The following CACHD1 variants were observed in gnomAD, a reference collection of about 807,000 sequenced individuals.
The protein encoded by CACHD1 is cache domain containing 1, also known as VWFA and cache domain-containing protein 1.
In CACHD1, 71 loss-of-function variants were observed where a neutral mutation model predicts 138.7. The observed-to-expected ratio is 0.51, with a 90% CI of 0.42 to 0.62. The LOEUF is 0.62. CACHD1 is among the 20% of genes least tolerant of loss of function. The pLI is 0.00. For synonymous variants in CACHD1, 578 were observed against 591.5 expected, an observed-to-expected ratio of 0.98 and a Z score of 0.33; for missense variants, 1,389 against 1,625.3, an observed-to-expected ratio of 0.85 and a Z score of 2.50.
chr1:64,648,903 A>G (rs1328287762), intron 9 of CACHD1, among the ~76,000 whole-genome samples: 5 of 152,178 alleles, frequency 3.3e-5, no homozygotes, highest in African/African-American at 1.2e-4. Flanking sequence ...ATTTTTAGTA[A>G]AAGCACAATC....
chr1:64,508,731 A>G (rs1464696206), intron 1 of CACHD1, among the ~76,000 whole-genome samples: 1 of 152,196 alleles, frequency 6.6e-6, no homozygotes. Context: ...GACGTAGTGC[A>G]TTTAGAGAAC....
chr1:64,665,417 A>G (rs892837613), intron 15 of CACHD1, among the ~76,000 whole-genome samples: 6 of 152,076 alleles, frequency 3.9e-5, no homozygotes, highest in African/African-American at 1.4e-4. Flanking sequence ...CCAAGATCAC[A>G]CCACTGCACT....
intron 2 of CACHD1, among the ~76,000 whole-genome samples, chr1:64,553,601 A>C (rs183366744): frequency 6.6e-6 from 1 of 152,220 alleles, no homozygotes; most frequent in African/African-American, 2.4e-5. Context: ...CGTGTAAAAC[A>C]TACATATAAA....
chr1:64,553,067 C>T (rs946657206), intron 2 of CACHD1, among the ~76,000 whole-genome samples: 1 of 152,138 alleles, frequency 6.6e-6, no homozygotes, highest in East Asian at 1.9e-4. Flanking sequence ...ACAGTTGTGT[C>T]GTTGTTATTA....
At chr1:64,677,425 C>T (rs1460080028) in intron 22 of CACHD1, among the ~76,000 whole-genome samples, 1 of 152,186 alleles carries the variant, frequency 6.6e-6, no homozygotes, top group Non-Finnish European at 1.5e-5. Flanking sequence ...CCGCTCTCTC[C>T]CCACTCCTCA....
At chr1:64,623,308 G>A (rs567424645) in intron 4 of CACHD1, among the ~76,000 whole-genome samples, 1 of 152,008 alleles carries the variant, frequency 6.6e-6, no homozygotes, top group East Asian at 1.9e-4. Flanking sequence ...AGGCTGAGGT[G>A]GGAGAATCGC....
chr1:64,542,468 C>T (rs1362262489), intron 1 of CACHD1, among the ~76,000 whole-genome samples: 1 of 152,040 alleles, frequency 6.6e-6, no homozygotes, highest in Non-Finnish European at 1.5e-5. Context: ...CAAACATAAG[C>T]CTCTGAATTT....
chr1:64,682,137 C>T, intron 26 of CACHD1, 31 bp downstream of exon 26: 2 of 1,579,670 alleles, frequency 1.3e-6, no homozygotes, highest in East Asian at 4.5e-5. Flanking sequence ...TTTGAAGACC[C>T]AAGGAACCTC....
chr1:64,634,689 G>A (rs1648448022), intron 7 of CACHD1, among the ~76,000 whole-genome samples: 3 of 151,928 alleles, frequency 2.0e-5, no homozygotes, highest in Admixed American at 1.3e-4. Context: ...CCAGCGTAGA[G>A]GGATTAAAAA....
intron 3 of CACHD1, among the ~76,000 whole-genome samples, chr1:64,592,094 T>C (rs945669639): frequency 6.6e-6 from 1 of 152,252 alleles, no homozygotes; most frequent in Non-Finnish European, 1.5e-5. Context: ...AAATACTTTT[T>C]TGCCTATTCA....
chr1:64,481,381 T>C (rs978987736), intron 1 of CACHD1, among the ~76,000 whole-genome samples: 1 of 152,196 alleles, frequency 6.6e-6, no homozygotes, highest in African/African-American at 2.4e-5. Flanking sequence ...ACGGTGAAAA[T>C]TGGCAAACCA....
At chr1:64,511,500 G>A (rs1646420288) in intron 1 of CACHD1, among the ~76,000 whole-genome samples, 1 of 152,166 alleles carries the variant, frequency 6.6e-6, no homozygotes, top group South Asian at 2.1e-4. Context: ...CTAGAGTTCA[G>A]ACAAAGAATC....
At chr1:64,501,259 G>A (rs564776190) in intron 1 of CACHD1, among the ~76,000 whole-genome samples, 8 of 152,260 alleles carry the variant, frequency 5.3e-5, no homozygotes, top group Admixed American at 4.6e-4. Context: ...GGAAATAAGT[G>A]AAAAGAAAAA....
chr1:64,562,514 A>G (rs1646848901), intron 2 of CACHD1, among the ~76,000 whole-genome samples: 1 of 150,160 alleles, frequency 6.7e-6, no homozygotes, highest in African/African-American at 2.5e-5. Context: ...GGTTCAAGCA[A>G]TTTCCCTGCC....
chr1:64,530,309 C>T (rs1429209465), intron 1 of CACHD1, among the ~76,000 whole-genome samples: 1 of 152,076 alleles, frequency 6.6e-6, no homozygotes, highest in African/African-American at 2.4e-5. Flanking sequence ...TCCCTAGAGA[C>T]TTAAGAATAG....
chr1:64,590,920 T>C (rs944462670), intron 3 of CACHD1, among the ~76,000 whole-genome samples: 4 of 152,206 alleles, frequency 2.6e-5, no homozygotes, highest in Non-Finnish European at 5.9e-5. Flanking sequence ...TCTTTGGTCC[T>C]CAGTTTCCTC....
chr1:64,475,127 C>T (rs758849158), intron 1 of CACHD1, among the ~76,000 whole-genome samples: 4 of 150,820 alleles, frequency 2.7e-5, no homozygotes, highest in Non-Finnish European at 4.4e-5. Flanking sequence ...TAAAGAGCAA[C>T]GCTTCTTTGT....
chr1:64,632,807 T>C (rs1430819167), intron 6 of CACHD1, 64 bp downstream of exon 6: 1 of 1,571,228 alleles, frequency 6.4e-7, no homozygotes, highest in Non-Finnish European at 8.7e-7. Context: ...TTTAAAGTAC[T>C]TTATTGTTTT....
At chr1:64,482,980 C>A (rs533416078) in intron 1 of CACHD1, among the ~76,000 whole-genome samples, 1 of 152,292 alleles carries the variant, frequency 6.6e-6, no homozygotes, top group African/African-American at 2.4e-5. Context: ...AGACATTGCC[C>A]AGCAGCCCTT....
Sources: allele counts gnomAD v4.1 joint callset (sites outside exome capture counted in the v4.1 genomes callset), GRCh38; gene constraint gnomAD v4.1.1; transcripts MANE v1.5; gene names NCBI Gene and HGNC (gene_info 2026-07-23, HGNC 2026-07-21).